Variants in AMMECR1 observed in about 807,000 individuals in gnomAD.
AMMECR1 encodes nuclear protein AMMECR1.
A neutral mutation model predicts 22.5 loss-of-function variants in AMMECR1; 3 were observed. The ratio of observed to expected loss-of-function variants is 0.13; its 90% CI spans 0.06 to 0.35. The LOEUF is 0.35. AMMECR1 is among the 10% of genes least tolerant of loss of function. AMMECR1 has a pLI of 1.00. For missense variants in AMMECR1, 235 were observed against 278.7 expected (o/e 0.84, Z 1.12); for synonymous variants, 130 against 116.7 (o/e 1.11, Z -0.74).
At chrX:110,230,866 C>T (rs191484349) in intron 2 of AMMECR1, among the ~76,000 whole-genome samples, 11 of 111,748 alleles carry the variant, frequency 9.8e-5, no homozygotes, top group South Asian at 3.7e-4. Flanking sequence ...AACCATGGCA[C>T]GAGAACTTCG....
chrX:110,219,107 G>A (rs751062428), intron 2 of AMMECR1, among the ~76,000 whole-genome samples: 1 of 111,817 alleles, frequency 8.9e-6, no homozygotes, highest in East Asian at 2.8e-4. Context: ...GGGAATTGAT[G>A]TATAAGTTTT....
intron 2 of AMMECR1, among the ~76,000 whole-genome samples, chrX:110,234,649 A>T (rs1203682346): frequency 9.0e-6 from 1 of 110,609 alleles, no homozygotes; most frequent in Admixed American, 9.6e-5. Context: ...CCAATGGAAC[A>T]CAACAGAGCC....
intron 2 of AMMECR1, among the ~76,000 whole-genome samples, chrX:110,373,468 T>A (rs2068353489): frequency 8.9e-6 from 1 of 111,777 alleles, no homozygotes. Context: ...CCCACCTCCA[T>A]AACTCAGAGT....
chrX:110,436,007 G>A (rs1049340933), intron 1 of AMMECR1, among the ~76,000 whole-genome samples: 4 of 112,537 alleles, frequency 3.6e-5, no homozygotes, highest in African/African-American at 1.3e-4. Context: ...GGCAAAGCCT[G>A]CCGGTGTGGC....
At chrX:110,271,744 T>C (rs972435037) in intron 1 of AMMECR1, among the ~76,000 whole-genome samples, 2 of 111,431 alleles carry the variant, frequency 1.8e-5, no homozygotes, top group African/African-American at 6.5e-5. Context: ...AAAATAGCTG[T>C]GGGTTTTTTT....
At chrX:110,440,114 C>G (rs1174018440) in exon 1 of AMMECR1, 1 of 111,147 alleles carries the variant, frequency 9.0e-6, no homozygotes, top group Non-Finnish European at 1.9e-5. Flanking sequence ...GTGCCCCTTA[C>G]CGTGAGGGTG....
chrX:110,396,050 C>T (rs1602965338), intron 2 of AMMECR1, among the ~76,000 whole-genome samples: 2 of 111,588 alleles, frequency 1.8e-5, no homozygotes, highest in South Asian at 7.6e-4. Flanking sequence ...TATCTAATAT[C>T]TAAATGCTTT....
At chrX:110,223,085 C>T (rs2067512849) in intron 2 of AMMECR1, among the ~76,000 whole-genome samples, 1 of 111,784 alleles carries the variant, frequency 8.9e-6, no homozygotes, top group Admixed American at 9.5e-5. Context: ...ACAAATTCCT[C>T]CCCTCTAAAT....
intron 1 of AMMECR1, among the ~76,000 whole-genome samples, chrX:110,306,329 A>C (rs1485275818): frequency 8.9e-6 from 1 of 112,069 alleles, no homozygotes; most frequent in Non-Finnish European, 1.9e-5. Flanking sequence ...AAAAAATTAA[A>C]AAGTTACTTT....
At chrX:110,425,937 G>T (rs887950140) in intron 2 of AMMECR1, among the ~76,000 whole-genome samples, 30 of 112,289 alleles carry the variant, frequency 2.7e-4, no homozygotes, top group African/African-American at 9.4e-4. Context: ...GTCAGCTCCT[G>T]TGCTAGGCAT....
chrX:110,371,662 G>A (rs1479986136), intron 2 of AMMECR1, among the ~76,000 whole-genome samples: 7 of 111,219 alleles, frequency 6.3e-5, no homozygotes, highest in Non-Finnish European at 1.1e-4. Flanking sequence ...TAAAGTCTGC[G>A]TATTTATTCT....
intron 2 of AMMECR1, among the ~76,000 whole-genome samples, chrX:110,337,719 T>C (rs937853749): frequency 2.7e-5 from 3 of 112,237 alleles, no homozygotes; most frequent in Non-Finnish European, 3.8e-5. Flanking sequence ...CATGGGTATA[T>C]ACCCAAATGA....
At chrX:110,234,716 A>C (rs1250871386) in intron 2 of AMMECR1, among the ~76,000 whole-genome samples, 1 of 112,004 alleles carries the variant, frequency 8.9e-6, no homozygotes, top group Non-Finnish European at 1.9e-5. Context: ...CCTGACAAAA[A>C]CAAGAAATAG....
chrX:110,339,353 C>T (rs1189005520), intron 2 of AMMECR1, among the ~76,000 whole-genome samples: 2 of 76,986 alleles, frequency 2.6e-5, no homozygotes, highest in Non-Finnish European at 4.8e-5. Context: ...TGCAAAAGGA[C>T]ACTGAGGACA....
intron 2 of AMMECR1, among the ~76,000 whole-genome samples, chrX:110,397,804 T>TG (rs1261193404): frequency 1.7e-4 from 19 of 111,431 alleles, no homozygotes; most frequent in Non-Finnish European, 3.2e-4. Flanking sequence ...GTAATGGACT[T>TG]GGGGGGGCAA....
At chrX:110,222,031 G>A (rs1467038273) in intron 2 of AMMECR1, among the ~76,000 whole-genome samples, 3 of 110,512 alleles carry the variant, frequency 2.7e-5, no homozygotes, top group South Asian at 3.9e-4. Flanking sequence ...TGTGGAAGTC[G>A]GTGTGGCGAT....
At chrX:110,408,877 T>C (rs774432253) in intron 2 of AMMECR1, among the ~76,000 whole-genome samples, 1 of 112,417 alleles carries the variant, frequency 8.9e-6, no homozygotes, top group Non-Finnish European at 1.9e-5. Context: ...TGGCAGGACA[T>C]ATAGCTATCT....
intron 2 of AMMECR1, among the ~76,000 whole-genome samples, chrX:110,361,732 C>A (rs1259722844): frequency 1.8e-5 from 2 of 112,332 alleles, no homozygotes; most frequent in African/African-American, 6.5e-5. Flanking sequence ...TGAATACTAG[C>A]AGATGTTATA....
At chrX:110,232,777 C>G (rs750433365) in intron 2 of AMMECR1, among the ~76,000 whole-genome samples, 2 of 105,195 alleles carry the variant, frequency 1.9e-5, no homozygotes, top group African/African-American at 7.0e-5. Context: ...GTAGTCCCAG[C>G]TACTTGGGAG....
Sources: allele counts gnomAD v4.1 joint callset (sites outside exome capture counted in the v4.1 genomes callset), GRCh38; gene constraint gnomAD v4.1.1; transcripts MANE v1.5; gene names NCBI Gene and HGNC (gene_info 2026-07-23, HGNC 2026-07-21).